The following ATRNL1 variants were observed in gnomAD, a reference collection of about 807,000 sequenced individuals.
The protein encoded by ATRNL1 is attractin like 1, also known as attractin-like protein 1.
A neutral mutation model predicts 182.7 loss-of-function variants in ATRNL1; 95 were observed. The ratio of observed to expected loss-of-function variants is 0.52; its 90% CI spans 0.44 to 0.62. The LOEUF is 0.62. Ranked by LOEUF, ATRNL1 falls within the 20% of genes least tolerant of loss-of-function variation. The pLI, the probability that ATRNL1 is intolerant of heterozygous loss-of-function variation, is 0.00. For missense variants in ATRNL1, 1,471 were observed against 1,679.5 expected (o/e 0.88, Z 2.17); for synonymous variants, 576 against 568.3 (o/e 1.01, Z -0.19).
At chr10:115,929,132 C>T (rs1441262604) in intron 28 of ATRNL1, among the ~76,000 whole-genome samples, 1 of 151,888 alleles carries the variant, frequency 6.6e-6, no homozygotes, top group African/African-American at 2.4e-5. Context: ...GGGGAAATTT[C>T]AACTTTTTAT....
chr10:115,435,590 A>AT (rs1846369723), intron 21 of ATRNL1, among the ~76,000 whole-genome samples: 1 of 152,136 alleles, frequency 6.6e-6, no homozygotes, highest in South Asian at 2.1e-4. Flanking sequence ...AAGTCATTTT[A>AT]TTTGTATGTC....
At chr10:115,151,108 A>T (rs1846206273) in intron 5 of ATRNL1, among the ~76,000 whole-genome samples, 1 of 152,154 alleles carries the variant, frequency 6.6e-6, no homozygotes, top group Non-Finnish European at 1.5e-5. Flanking sequence ...CATTTTCTTA[A>T]TCCAGTCTAT....
intron 5 of ATRNL1, among the ~76,000 whole-genome samples, chr10:115,159,768 ATC>A (rs1846691134): frequency 6.6e-6 from 1 of 151,762 alleles, no homozygotes; most frequent in Non-Finnish European, 1.5e-5. Flanking sequence ...ACTAAAATAA[ATC>A]TGACATTTTA....
intron 21 of ATRNL1, among the ~76,000 whole-genome samples, chr10:115,460,798 A>G (rs1409089545): frequency 2.6e-5 from 4 of 152,172 alleles, no homozygotes; most frequent in African/African-American, 9.7e-5. Flanking sequence ...ACTGATGTTC[A>G]TTCAGTAGAG....
chr10:115,494,282 A>G (rs1849442323), intron 24 of ATRNL1, among the ~76,000 whole-genome samples: 1 of 152,152 alleles, frequency 6.6e-6, no homozygotes, highest in Admixed American at 6.5e-5. Context: ...ATTTGTGAAG[A>G]GAGATAGTTT....
At chr10:115,125,733 C>T (rs904307908) in intron 3 of ATRNL1, among the ~76,000 whole-genome samples, 3 of 152,208 alleles carry the variant, frequency 2.0e-5, no homozygotes, top group African/African-American at 4.8e-5. Context: ...TCACTTCCAA[C>T]CATTGGAGTC....
chr10:115,339,070 C>T (rs1417684569), intron 19 of ATRNL1, among the ~76,000 whole-genome samples: 1 of 152,130 alleles, frequency 6.6e-6, no homozygotes, highest in Non-Finnish European at 1.5e-5. Flanking sequence ...TGTTCTGTTC[C>T]ATTGAACTAT....
At chr10:115,547,551 T>C (rs1852738825) in intron 25 of ATRNL1, among the ~76,000 whole-genome samples, 1 of 152,060 alleles carries the variant, frequency 6.6e-6, no homozygotes. Flanking sequence ...ATAACTGAGC[T>C]TTCTCTTTGG....
rs560475503 is a variant in ATRNL1 at position 115,718,733 on chromosome 10, T to G, written c.3796-8515T>G. On this transcript the variant is annotated intron_variant, in intron 26 of 28. Coordinates refer to ENST00000355044, the MANE Select transcript of ATRNL1 (RefSeq NM_207303.4). ...TTTCCCGAAGAGTCACCTTCAAAAATTCTGCAATATTTTTGCATATATGGA... is the reference window on the plus strand; with the variant it reads ...TTTCCCGAAGAGTCACCTTCAAAAAGTCTGCAATATTTTTGCATATATGGA... Among the ~76,000 whole-genome samples, 11 of 152,368 alleles carry G rather than the reference T, an allele frequency of 7.2e-5. No homozygotes were observed. In the East Asian group the frequency reaches 2.1e-3, roughly 29 times the overall value.
chr10:115,147,712 T>A (rs1554879714), intron 5 of ATRNL1, among the ~76,000 whole-genome samples: 5 of 152,176 alleles, frequency 3.3e-5, no homozygotes, highest in African/African-American at 1.2e-4. Flanking sequence ...CCCAGCACAA[T>A]TTATTGAAGA....
At chr10:115,705,508 T>C (rs1555052799) in intron 26 of ATRNL1, among the ~76,000 whole-genome samples, 1 of 151,974 alleles carries the variant, frequency 6.6e-6, no homozygotes, top group East Asian at 1.9e-4. Flanking sequence ...TACTACAGGA[T>C]AGCTCCTTGC....
intron 8 of ATRNL1, among the ~76,000 whole-genome samples, chr10:115,172,159 T>A (rs1847320344): frequency 6.6e-6 from 1 of 152,014 alleles, no homozygotes. Context: ...ACTGTTTCCC[T>A]TGCAGTCCTT....
chr10:115,625,798 A>G (rs1408814329), intron 26 of ATRNL1, among the ~76,000 whole-genome samples: 2 of 152,014 alleles, frequency 1.3e-5, no homozygotes, highest in African/African-American at 4.8e-5. Flanking sequence ...GAATGACCCT[A>G]TATGCTTATA....
chr10:115,670,644 C>A (rs1945668767), intron 26 of ATRNL1, among the ~76,000 whole-genome samples: 1 of 152,070 alleles, frequency 6.6e-6, no homozygotes, highest in Non-Finnish European at 1.5e-5. Context: ...ATACATGTTA[C>A]ACTTTAAAGC....
At chr10:115,349,816 A>G (rs557353446) in intron 19 of ATRNL1, among the ~76,000 whole-genome samples, 2 of 152,048 alleles carry the variant, frequency 1.3e-5, no homozygotes, top group East Asian at 1.9e-4. Context: ...TTATTTTGCT[A>G]TTGAGTTGTT....
chr10:115,528,010 C>T (rs1592790047), intron 25 of ATRNL1, among the ~76,000 whole-genome samples: 1 of 61,794 alleles, frequency 1.6e-5, no homozygotes. Flanking sequence ...TCCTTCCTTC[C>T]TTCCTTCCTT....
chr10:115,100,343 TTGA>T (rs1843724306), intron 1 of ATRNL1, among the ~76,000 whole-genome samples: 1 of 152,112 alleles, frequency 6.6e-6, no homozygotes, highest in African/African-American at 2.4e-5. Flanking sequence ...CTAAACCAAG[TTGA>T]TGAAGATTTT....
chr10:115,827,725 T>C (rs1589566983), intron 27 of ATRNL1, among the ~76,000 whole-genome samples: 1 of 152,204 alleles, frequency 6.6e-6, no homozygotes, highest in East Asian at 1.9e-4. Flanking sequence ...ACATGCCACA[T>C]GTTGGCATAG....
At chr10:115,851,124 T>A (rs1347708412) in intron 28 of ATRNL1, among the ~76,000 whole-genome samples, 2 of 151,836 alleles carry the variant, frequency 1.3e-5, no homozygotes, top group Non-Finnish European at 2.9e-5. Context: ...TACTAAAATT[T>A]TTTTTTTATC....
Sources: allele counts gnomAD v4.1 joint callset (sites outside exome capture counted in the v4.1 genomes callset), GRCh38; gene constraint gnomAD v4.1.1; transcripts MANE v1.5; gene names NCBI Gene and HGNC (gene_info 2026-07-23, HGNC 2026-07-21).